SLC26A11: variants seen among roughly 807,000 people sequenced by gnomAD.
The protein encoded by SLC26A11 is solute carrier family 26 member 11, also known as sodium-independent sulfate anion transporter.
In SLC26A11, 58 loss-of-function variants were observed where a neutral mutation model predicts 62.2. The ratio of observed to expected loss-of-function variants is 0.93; its 90% CI spans 0.76 to 1.16. The LOEUF is 1.16. SLC26A11 is among the 50% of genes most tolerant of loss of function. SLC26A11 has a pLI of 0.00. For missense variants in SLC26A11, 790 were observed against 794.3 expected (o/e 0.99, Z 0.06); for synonymous variants, 411 against 368.9 (o/e 1.11, Z -1.31).
rs373010460 is a variant in SLC26A11, at chr17:80,248,217, T to A, written c.1382T>A (p.Leu461Gln). ...ATCCTGGCCGGGGCCCTGGTGTCTC[T>A]GCTCATGCTCCTGCACTCTGCAGCC... is the stretch of plus-strand genomic sequence containing the variant. ...YGILAGALVS[L>Q]LMLLHSAARP... The change falls in exon 14 of 18, where the codon CTG becomes CAG. Residue 461 changes from leucine (L) to glutamine (Q), a missense_variant. Physicochemically the swap from Leu to Gln is moderately radical, Grantham distance 113. Transcript: ENST00000361193. 10 of 1,609,736 alleles carry A rather than the reference T, an allele frequency of 6.2e-6. No homozygotes were observed. In the African/African-American group the frequency reaches 1.2e-4, roughly 19 times the overall value.
chr17:80,225,733 C>CG, intron 5 of SLC26A11, 104 bp from the exon 6 acceptor site: 1 of 1,010,942 alleles, frequency 9.9e-7, no homozygotes, highest in Non-Finnish European at 1.5e-6. Flanking sequence ...GGAGCAGGGC[C>CG]GGGGGACACT....
chr17:80,237,635 C>T, intron 9 of SLC26A11, 41 bp downstream of exon 9: 1 of 1,589,056 alleles, frequency 6.3e-7, no homozygotes, highest in Non-Finnish European at 8.6e-7. Flanking sequence ...TCCCAGTGCG[C>T]CGGCTGGGCT....
chr17:80,232,794 AT>A (rs1156259771), intron 7 of SLC26A11, among the ~76,000 whole-genome samples: 6 of 151,658 alleles, frequency 4.0e-5, no homozygotes, highest in African/African-American at 1.5e-4. Context: ...CTATTGGATT[AT>A]TTTTTATGAT....
At chr17:80,244,944 C>G (rs2042955299) in intron 10 of SLC26A11, among the ~76,000 whole-genome samples, 1 of 139,232 alleles carries the variant, frequency 7.2e-6, no homozygotes, top group South Asian at 2.3e-4. Flanking sequence ...CACTGCATTC[C>G]AGCCTGGGCA....
intron 7 of SLC26A11, among the ~76,000 whole-genome samples, chr17:80,230,013 G>A (rs1004798102): frequency 3.3e-5 from 5 of 152,012 alleles, no homozygotes; most frequent in Non-Finnish European, 5.9e-5. Flanking sequence ...AAACCAGCTT[G>A]GCCAAACCCC....
At chr17:80,240,853 G>A (rs1375469335) in intron 9 of SLC26A11, among the ~76,000 whole-genome samples, 2 of 151,814 alleles carry the variant, frequency 1.3e-5, no homozygotes, top group Non-Finnish European at 2.9e-5. Flanking sequence ...AAAAAGCATT[G>A]TAATCCCAAC....
chr17:80,243,120 G>C lies in SLC26A11; in HGVS notation c.1036+1299G>C, dbSNP rs1181067404. Among the ~76,000 whole-genome samples the C allele has an allele frequency of 2.6e-5, 4 of 152,298 alleles. No individual in the cohort carries two copies. In the South Asian group the frequency reaches 8.3e-4, roughly 32 times the overall value. On this transcript the variant is annotated intron_variant, in intron 10 of 17. Transcript: ENST00000361193. ...CAGGATAACCCAGGAAGCACCATGG[G>C]CTTCTTCCCAAGGGGTGTCCACCCT...
chr17:80,246,048 C>CGTGCTG lies in SLC26A11; in HGVS notation c.1098-104_1098-99dup. The CGTGCTG allele has an allele frequency of 7.3e-7, 1 of 1,370,906 alleles. No homozygotes were observed. The highest frequency in any genetic ancestry group is 1.0e-6 in the Non-Finnish European group (1 of 961,376). The allele number at this position is 1,370,906 out of a possible 1,614,324, so 84.9% of individuals were successfully genotyped here. The stretch of plus-strand genomic sequence containing the variant: ...TGCAGTCCCCGCCTGCTTCCCAAGC[C>CGTGCTG]GTGCTGGGAGCTGACGTCCCCTCGG... On this transcript the variant is annotated intron_variant, in intron 11 of 17. Coordinates refer to ENST00000361193, the MANE Select transcript of SLC26A11 (RefSeq NM_001166347.2). The surrounding 1 kb of genome is among the most constrained non-coding windows in gnomAD (Gnocchi z 4.4).
rs2043188196 is a variant in SLC26A11 at position 80,252,895 on chromosome 17, C to T, written c.*179C>T. 2 of 566,422 alleles carry T rather than the reference C, an allele frequency of 3.5e-6. No homozygotes were observed. The highest frequency in any genetic ancestry group is 2.1e-5 in the South Asian group (1 of 48,400). The allele number at this position is 566,422 out of a possible 1,614,324, so 35.1% of individuals were successfully genotyped here. The stretch of plus-strand genomic sequence containing the variant: ...GGTCCACGGCAGTGGGAGTGGGGCT[C>T]ACTGGCTTCCTGTGGGATGACTGGA... On this transcript the variant is annotated 3_prime_UTR_variant, in exon 18 of 18. Coordinates refer to ENST00000361193, the MANE Select transcript of SLC26A11 (RefSeq NM_001166347.2). The surrounding 1 kb of genome is among the most constrained non-coding windows in gnomAD (Gnocchi z 5.2).
At chr17:80,233,843 G>A (rs1435154112) in intron 7 of SLC26A11, among the ~76,000 whole-genome samples, 3 of 105,996 alleles carry the variant, frequency 2.8e-5, no homozygotes, top group African/African-American at 6.7e-5. Flanking sequence ...CTTCCCAAAT[G>A]TTGGGATTAC....
Position 80,246,301 on chromosome 17 carries a change from G to C in SLC26A11, c.1153+92G>C. On this transcript the variant is annotated intron_variant, in intron 12 of 17. Coordinates refer to ENST00000361193, the MANE Select transcript of SLC26A11 (RefSeq NM_001166347.2). This position sits in a 1 kb window ranked among gnomAD's most constrained non-coding sequence, Gnocchi z 4.4. ...ACAGAGACGTCCCTTTGGCTCATGGGCCGTGCGCCCCGGGACTGCACAGGG... is the reference window on the plus strand; with the variant it reads ...ACAGAGACGTCCCTTTGGCTCATGGCCCGTGCGCCCCGGGACTGCACAGGG... The C allele has an allele frequency of 6.7e-7, 1 of 1,503,740 alleles. No homozygotes were observed. The highest frequency in any genetic ancestry group is 1.3e-5 in the South Asian group (1 of 79,634). 93.1% of individuals were successfully genotyped at this position (1,503,740 alleles called of 1,614,324 possible).
chr17:80,240,600 C>T (rs1015810790), intron 9 of SLC26A11, among the ~76,000 whole-genome samples: 10 of 151,374 alleles, frequency 6.6e-5, no homozygotes, highest in South Asian at 4.2e-4. Flanking sequence ...GTCAGGAGTT[C>T]GACACAAGCC....
At chr17:80,225,665 T>C (rs2042387658) in intron 5 of SLC26A11, 172 bp from the exon 6 acceptor site, 6 of 624,430 alleles carry the variant, frequency 9.6e-6, no homozygotes, top group African/African-American at 1.8e-5. Flanking sequence ...CTAGGGGGCG[T>C]TGGGAGTGGG....
chr17:80,224,446 TGTGA>T (rs1278009951), intron 5 of SLC26A11, among the ~76,000 whole-genome samples: 1 of 124,234 alleles, frequency 8.0e-6, no homozygotes, highest in African/African-American at 4.5e-5. Flanking sequence ...GGTGTGAGAG[TGTGA>T]GTGTGAGAGT....
At chr17:80,238,791 C>G (rs563576108) in intron 9 of SLC26A11, among the ~76,000 whole-genome samples, 14 of 151,328 alleles carry the variant, frequency 9.3e-5, no homozygotes, top group Non-Finnish European at 1.6e-4. Context: ...AGTGCTCTAA[C>G]CCTTACCCCC....
chr17:80,249,919 G>GA (rs1276223373), intron 16 of SLC26A11, among the ~76,000 whole-genome samples: 1 of 151,300 alleles, frequency 6.6e-6, no homozygotes, highest in African/African-American at 2.4e-5. Flanking sequence ...ACAAACAAAC[G>GA]AAAAAAAACA....
At chr17:80,238,829 T>G (rs540198186) in intron 9 of SLC26A11, among the ~76,000 whole-genome samples, 45 of 142,112 alleles carry the variant, frequency 3.2e-4, no homozygotes, top group South Asian at 6.9e-4. Flanking sequence ...TGTTTTTTGT[T>G]TTTTTTTTTT....
At chr17:80,225,745 T>C in intron 5 of SLC26A11, 92 bp from the exon 6 acceptor site, 1 of 1,138,572 alleles carries the variant, frequency 8.8e-7, no homozygotes, top group South Asian at 1.3e-5. Flanking sequence ...GGGGACACTG[T>C]CTCAGCCCTA....
At position 80,252,322 on chromosome 17, in the gene SLC26A11, A is replaced by G. The variant is rs951263901; in HGVS notation, c.1730-303A>G. Among the ~76,000 whole-genome samples, 1 of 152,120 alleles carries G rather than the reference A, an allele frequency of 6.6e-6. No individual in the cohort carries two copies. The highest frequency in any genetic ancestry group is 6.6e-5 in the Admixed American group (1 of 15,260). Reference sequence around the variant, plus strand: ...AATGTGACGTCAGGGAGATTCACCCATGTTGTTGTAGAATCAGCTCAGATG... The same window carrying G: ...AATGTGACGTCAGGGAGATTCACCCGTGTTGTTGTAGAATCAGCTCAGATG... On this transcript the variant is annotated intron_variant, in intron 17 of 17. Coordinates refer to ENST00000361193, the MANE Select transcript of SLC26A11 (RefSeq NM_001166347.2). This position sits in a 1 kb window ranked among gnomAD's most constrained non-coding sequence, Gnocchi z 5.2.
Sources: allele counts gnomAD v4.1 joint callset (sites outside exome capture counted in the v4.1 genomes callset), GRCh38; gene constraint gnomAD v4.1.1; non-coding constraint Gnocchi (gnomAD v3.1); transcripts MANE v1.5; gene names NCBI Gene and HGNC (gene_info 2026-07-23, HGNC 2026-07-21).